Variants in FUT8 observed in about 807,000 individuals in gnomAD.
The protein encoded by FUT8 is fucosyltransferase 8.
Under a neutral mutation model 71.3 loss-of-function variants are expected in FUT8, and 29 were observed. The observed-to-expected ratio is 0.41, with a 90% CI of 0.30 to 0.55. The LOEUF is 0.55. Ranked by LOEUF, FUT8 falls within the 20% of genes least tolerant of loss-of-function variation. FUT8 has a pLI of 0.34. For synonymous variants in FUT8, 254 were observed against 239.3 expected, an observed-to-expected ratio of 1.06 and a Z score of -0.57; for missense variants, 544 against 702.1, an observed-to-expected ratio of 0.77 and a Z score of 2.55.
At chr14:65,729,690 A>G (rs1339786234) in intron 9 of FUT8, among the ~76,000 whole-genome samples, 1 of 152,022 alleles carries the variant, frequency 6.6e-6, no homozygotes, top group Non-Finnish European at 1.5e-5. Context: ...AGATATAAAC[A>G]TTTTACAGCT....
intron 2 of FUT8, among the ~76,000 whole-genome samples, chr14:65,507,258 A>G (rs1460096801): frequency 3.3e-5 from 5 of 152,184 alleles, no homozygotes; most frequent in African/African-American, 7.2e-5. Context: ...AACCATGTCT[A>G]TTACTGAAGT....
rs1891960069 is a variant in FUT8 at position 65,661,445 on chromosome 14, A to T, written c.598-7798A>T. Among the ~76,000 whole-genome samples, 3 of 152,188 alleles carry T rather than the reference A, an allele frequency of 2.0e-5. No individual in the cohort carries two copies. In the South Asian group the frequency reaches 6.2e-4, roughly 32 times the overall value. On this transcript the variant is annotated intron_variant, in intron 6 of 10. Transcript: ENST00000673929. ...TTATTGAGCATTTACTGTTTGCAAA[A>T]GGCAGCTGGAGATATTATGTCCAGT...
At chr14:65,701,693 A>G (rs372106107) in intron 7 of FUT8, among the ~76,000 whole-genome samples, 12 of 152,338 alleles carry the variant, frequency 7.9e-5, no homozygotes, top group African/African-American at 2.9e-4. Context: ...TTAAGCCACA[A>G]TTCACATCCA....
At chr14:65,687,305 A>T (rs555028676) in intron 7 of FUT8, among the ~76,000 whole-genome samples, 63 of 152,284 alleles carry the variant, frequency 4.1e-4, no homozygotes, top group Middle Eastern at 3.4e-3. Flanking sequence ...TCACATGGTG[A>T]GGTATCATTA....
At chr14:65,484,067 GAATGCA>G (rs2066372710) in intron 2 of FUT8, among the ~76,000 whole-genome samples, 1 of 152,162 alleles carries the variant, frequency 6.6e-6, no homozygotes, top group African/African-American at 2.4e-5. Flanking sequence ...TAATGTATAA[GAATGCA>G]ATTGATTTTT....
chr14:65,585,313 A>G (rs2140124801), intron 3 of FUT8, among the ~76,000 whole-genome samples: 1 of 152,194 alleles, frequency 6.6e-6, no homozygotes, highest in African/African-American at 2.4e-5. Flanking sequence ...CAGCCTCCCA[A>G]GCAGCTGGAG....
In FUT8 at chr14:65,668,394, AAGAC is replaced by A. The variant is rs369967013; in HGVS notation, c.598-844_598-841del. Among the ~76,000 whole-genome samples, 196 of 152,284 alleles carry A rather than the reference AAGAC, an allele frequency of 1.3e-3. 1 individual carries two copies. The highest frequency in any genetic ancestry group is 4.5e-3 in the African/African-American group (187 of 41,562). On this transcript the variant is annotated intron_variant, in intron 6 of 10. Transcript: ENST00000673929. ...TATTAAAAAGGCAAACACTTTTCAA[AAGAC>A]AGACTCTTTTCAAAAGACATATACA...
chr14:65,439,953 T>TAC (rs1253340719), intron 1 of FUT8, among the ~76,000 whole-genome samples: 59 of 47,224 alleles, frequency 1.2e-3, no homozygotes, highest in African/African-American at 2.8e-3. Context: ...TGTGTGTGTG[T>TAC]GTATATATAT....
At chr14:65,703,401 A>C (rs922607203) in intron 7 of FUT8, among the ~76,000 whole-genome samples, 1 of 151,958 alleles carries the variant, frequency 6.6e-6, no homozygotes, top group African/African-American at 2.4e-5. Flanking sequence ...CTTCCCAATT[A>C]AACCCAAAAG....
intron 3 of FUT8, among the ~76,000 whole-genome samples, chr14:65,582,357 C>T (rs913146930): frequency 9.9e-5 from 15 of 151,938 alleles, no homozygotes; most frequent in Non-Finnish European, 1.9e-4. Context: ...ATAATGTTGG[C>T]GTTTCGTGAT....
At position 65,489,692 on chromosome 14, in the gene FUT8, G is replaced by T. The variant is rs1479569915; in HGVS notation, c.-228+33974G>T. Among the ~76,000 whole-genome samples, 4 of 151,940 alleles carry T rather than the reference G, an allele frequency of 2.6e-5. No individual in the cohort carries two copies. The highest frequency in any genetic ancestry group is 9.7e-5 in the African/African-American group (4 of 41,396). ...TGATTGATGTTGTAACTTTTTTTGAGTAAAATGCATCATTAGAAAATGTAT... is the reference window on the plus strand; with the variant it reads ...TGATTGATGTTGTAACTTTTTTTGATTAAAATGCATCATTAGAAAATGTAT... On this transcript the variant is annotated intron_variant, in intron 2 of 10. Transcript: ENST00000673929. This position sits in a 1 kb window ranked among gnomAD's most constrained non-coding sequence, Gnocchi z 4.0.
chr14:65,633,675 C>T (rs1448530980), intron 6 of FUT8, among the ~76,000 whole-genome samples: 3 of 151,986 alleles, frequency 2.0e-5, no homozygotes, highest in African/African-American at 7.3e-5. Context: ...GGCCACGACC[C>T]CGTCTGGGAG....
chr14:65,600,540 G>A (rs1888238824), intron 3 of FUT8, among the ~76,000 whole-genome samples: 1 of 152,138 alleles, frequency 6.6e-6, no homozygotes. Context: ...ATCAGTAGGG[G>A]ATGGGTTAAG....
chr14:65,637,650 A>G (rs1890628563), intron 6 of FUT8, among the ~76,000 whole-genome samples: 1 of 152,148 alleles, frequency 6.6e-6, no homozygotes, highest in Non-Finnish European at 1.5e-5. Context: ...CAGTCTGCTT[A>G]GTCCCTAGCT....
rs531371886 is a variant in FUT8 at position 65,508,546 on chromosome 14, G to A, written c.-227-52791G>A. On this transcript the variant is annotated intron_variant, in intron 2 of 10. Transcript: ENST00000673929. ...ATGGAGTTTCGCTCTTGTTGCCTAG[G>A]CTGGAGTGCAATGGCATAATCTCGG... Among the ~76,000 whole-genome samples the A allele has an allele frequency of 1.0e-4, 13 of 126,070 alleles. No individual in the cohort carries two copies. The South Asian group carries it at 3.6e-3, about 34-fold the overall frequency. 82.7% of individuals were successfully genotyped at this position (126,070 alleles called of 152,430 possible).
At chr14:65,470,085 C>CAGCT (rs1480514896) in intron 2 of FUT8, among the ~76,000 whole-genome samples, 2 of 152,254 alleles carry the variant, frequency 1.3e-5, no homozygotes, top group African/African-American at 4.8e-5. Flanking sequence ...CAGCATGGAG[C>CAGCT]AGCTCTCCAC....
Position 65,743,774 on chromosome 14 carries a change from C to T in FUT8, c.*1364C>T, listed in dbSNP as rs1472313315. On this transcript the variant is annotated 3_prime_UTR_variant, in exon 11 of 11. Coordinates refer to ENST00000673929, the MANE Select transcript of FUT8 (RefSeq NM_001371533.1). ...AGAAAATAAGACTTTGATGCTTTGT[C>T]TCTGAGCATCATTTTTCTCCTCATA... The T allele has an allele frequency of 6.6e-6, 1 of 151,880 alleles. No homozygotes were observed. Among genetic ancestry groups the T allele is most frequent in the African/African-American group, 2.4e-5 (1 of 41,386 alleles). The allele number at this position is 151,880 out of a possible 1,614,324, so 9.4% of individuals were successfully genotyped here. A position where few individuals can be genotyped will look rare whatever the true frequency, so the allele number is the denominator to read the frequency against.
the FUT8 span, among the ~76,000 whole-genome samples, chr14:65,378,837 GT>G: frequency 0.067 from 4,478 of 66,462 alleles, 19 homozygotes; most frequent in African/African-American, 0.11. Flanking sequence ...TCACAAGAAG[GT>G]TTTTTTTTTT....
At chr14:65,444,672 C>T (rs951590364) in intron 1 of FUT8, among the ~76,000 whole-genome samples, 2 of 152,128 alleles carry the variant, frequency 1.3e-5, no homozygotes, top group African/African-American at 4.8e-5. Context: ...AGACATTATA[C>T]TTTTTTAAAA....
Sources: allele counts gnomAD v4.1 joint callset (sites outside exome capture counted in the v4.1 genomes callset), GRCh38; gene constraint gnomAD v4.1.1; non-coding constraint Gnocchi (gnomAD v3.1); transcripts MANE v1.5; gene names NCBI Gene and HGNC (gene_info 2026-07-23, HGNC 2026-07-21).